The following EHBP1 variants were observed in gnomAD, a reference collection of about 807,000 sequenced individuals.
EHBP1 encodes EH domain binding protein 1.
In EHBP1, 55 loss-of-function variants were observed where a neutral mutation model predicts 144.0. The observed-to-expected ratio is 0.38, with a 90% CI of 0.31 to 0.48. EHBP1 has a LOEUF of 0.48. Among genes scored for constraint, EHBP1 ranks in the 20% least tolerant of loss-of-function variants. EHBP1 has a pLI of 0.98. For synonymous variants in EHBP1, 469 were observed against 472.7 expected (o/e 0.99, Z 0.10); for missense variants, 1,200 against 1,364.2 (o/e 0.88, Z 1.90).
chr2:62,781,978 A>C (rs1349046896), intron 5 of EHBP1, among the ~76,000 whole-genome samples: 1 of 152,216 alleles, frequency 6.6e-6, no homozygotes, highest in Non-Finnish European at 1.5e-5. Flanking sequence ...TCTAAAGTGG[A>C]TGTTATTATA....
chr2:62,786,471 G>A (rs1671898138), intron 5 of EHBP1, among the ~76,000 whole-genome samples: 2 of 152,246 alleles, frequency 1.3e-5, no homozygotes, highest in Middle Eastern at 3.4e-3. Context: ...AAAGGGGAGG[G>A]GAATTAGACT....
intron 1 of EHBP1, among the ~76,000 whole-genome samples, chr2:62,683,346 C>T (rs1200769259): frequency 6.6e-6 from 1 of 152,158 alleles, no homozygotes; most frequent in African/African-American, 2.4e-5. Context: ...CCCTTTCTTT[C>T]ACTAATGGTA....
intron 3 of EHBP1, among the ~76,000 whole-genome samples, chr2:62,749,575 T>C (rs552560132): frequency 6.6e-6 from 1 of 152,334 alleles, no homozygotes; most frequent in Non-Finnish European, 1.5e-5. Flanking sequence ...ACTTCCACAA[T>C]GGTTGAACTA....
intron 2 of EHBP1, among the ~76,000 whole-genome samples, chr2:62,723,896 C>G (rs2036478338): frequency 6.6e-6 from 1 of 152,154 alleles, no homozygotes; most frequent in Non-Finnish European, 1.5e-5. Flanking sequence ...TGACCTTTCT[C>G]TCTAGCATTT....
At chr2:62,815,501 C>T (rs2045368062) in intron 5 of EHBP1, among the ~76,000 whole-genome samples, 1 of 152,152 alleles carries the variant, frequency 6.6e-6, no homozygotes, top group African/African-American at 2.4e-5. Context: ...AGAAATTATG[C>T]TGCATTGCAA....
chr2:62,712,383 C>T (rs897230635), intron 2 of EHBP1, among the ~76,000 whole-genome samples: 5 of 152,078 alleles, frequency 3.3e-5, no homozygotes, highest in Non-Finnish European at 5.9e-5. Context: ...ATGAAGTTGT[C>T]AAAGTGAGAA....
intron 3 of EHBP1, among the ~76,000 whole-genome samples, chr2:62,752,459 A>G (rs2039837674): frequency 1.3e-5 from 2 of 152,212 alleles, no homozygotes; most frequent in South Asian, 2.1e-4. Flanking sequence ...TATTCTGTTG[A>G]TCTGGGGTGG....
intron 14 of EHBP1, among the ~76,000 whole-genome samples, chr2:62,974,049 G>A (rs2058609027): frequency 1.3e-5 from 2 of 152,096 alleles, no homozygotes; most frequent in Non-Finnish European, 2.9e-5. Context: ...TAGTAAACAG[G>A]ATTTTTTTAT....
At chr2:62,764,498 A>G in intron 4 of EHBP1, 137 bp downstream of exon 4, 1 of 511,144 alleles carries the variant, frequency 2.0e-6, no homozygotes, top group Non-Finnish European at 3.3e-6. Flanking sequence ...GGACATAGCA[A>G]TTTATAACAA....
intron 19 of EHBP1, among the ~76,000 whole-genome samples, chr2:63,008,610 AG>A (rs1483312413): frequency 1.3e-5 from 2 of 149,220 alleles, no homozygotes; most frequent in African/African-American, 2.5e-5. Context: ...TTGTACCTAG[AG>A]GTTTTTTTTT....
chr2:62,877,619 C>G (rs1328755195), intron 10 of EHBP1, among the ~76,000 whole-genome samples: 1 of 152,112 alleles, frequency 6.6e-6, no homozygotes, highest in Non-Finnish European at 1.5e-5. Context: ...TCAAAAAATT[C>G]AATATAACTG....
Position 62,996,743 on chromosome 2 carries a change from G to A in EHBP1, c.3080G>A (p.Arg1027His), listed in dbSNP as rs772247910. ...ACCCGTGCCGCGCTGGTGGAGAAGC[G>A]CCTTCGCTATCTCATGGACACAGGT... The part of the protein sequence containing the change: ...IDTRAALVEK[R>H]LRYLMDTGRN... The change falls in exon 19 of 23, where the codon CGC (arginine) becomes CAC (histidine). Residue 1027 changes from arginine to histidine, a missense_variant. Physicochemically the swap from Arg to His is conservative, Grantham distance 29 (BLOSUM62 0). This residue lies in a region of EHBP1 where 149 missense variants were observed against 217.0 expected (regional missense o/e 0.69). Coordinates refer to ENST00000431489, the MANE Select transcript of EHBP1 (RefSeq NM_001142616.3). 2.5e-6 allele frequency: 4 copies of A among 1,612,314 alleles called. No individual in the cohort carries two copies. Among genetic ancestry groups the A allele is most frequent in the African/African-American group, 1.3e-5 (1 of 74,740 alleles).
intron 2 of EHBP1, among the ~76,000 whole-genome samples, chr2:62,710,873 A>C (rs1260880399): frequency 3.3e-5 from 5 of 152,178 alleles, no homozygotes; most frequent in Non-Finnish European, 5.9e-5. Flanking sequence ...AAGAAGTATT[A>C]ATTTCAGATC....
At position 62,802,813 on chromosome 2, in the gene EHBP1, C is replaced by T. The variant is rs557971197; in HGVS notation, c.313-23274C>T. Among the ~76,000 whole-genome samples the T allele has an allele frequency of 1.1e-4, 17 of 151,454 alleles. No homozygotes were observed. The East Asian group carries it at 2.3e-3, about 21-fold the overall frequency. ...AATCTCGGCTCACTGCAACCTCCGC[C>T]TCCAAGGTTCAAGAAATTCTCCTGC... On this transcript the variant is annotated intron_variant, in intron 5 of 22. Transcript: ENST00000431489.
chr2:62,954,605 T>C (rs988817258), intron 13 of EHBP1, among the ~76,000 whole-genome samples: 6 of 152,074 alleles, frequency 3.9e-5, no homozygotes, highest in Admixed American at 3.3e-4. Context: ...TAGTAAAATA[T>C]AAAGACCACA....
intron 10 of EHBP1, among the ~76,000 whole-genome samples, chr2:62,876,593 G>T (rs2050907187): frequency 6.6e-6 from 1 of 152,116 alleles, no homozygotes; most frequent in East Asian, 1.9e-4. Flanking sequence ...CTCAAGACTG[G>T]GTAATTTATT....
At chr2:62,942,973 A>G in intron 11 of EHBP1, 77 bp downstream of exon 11, 2 of 1,078,080 alleles carry the variant, frequency 1.9e-6, no homozygotes, top group Non-Finnish European at 2.6e-6. Context: ...ATAATTTCTT[A>G]GCACATCCTG....
chr2:62,978,045 G>A (rs977042702), intron 14 of EHBP1, among the ~76,000 whole-genome samples: 13 of 152,040 alleles, frequency 8.6e-5, no homozygotes, highest in Non-Finnish European at 5.9e-5. Flanking sequence ...GATTTATGGA[G>A]GTTCGGAGAT....
intron 10 of EHBP1, among the ~76,000 whole-genome samples, chr2:62,922,222 T>C (rs2055148483): frequency 6.6e-6 from 1 of 152,120 alleles, no homozygotes; most frequent in African/African-American, 2.4e-5. Flanking sequence ...GTATTAAAGG[T>C]CTTTGTCCTT....
Sources: gnomAD v4.1 joint callset for allele counts (sites outside exome capture counted in the v4.1 genomes callset) on GRCh38, gnomAD v4.1.1 for gene constraint, gnomAD v4.1.1 regional missense constraint, MANE v1.5 for transcripts, NCBI Gene and HGNC (gene_info 2026-07-23, HGNC 2026-07-21) for gene names.